Variants in UNC79 observed in about 807,000 individuals in gnomAD.
The protein encoded by UNC79 is protein unc-79 homolog.
Under a neutral mutation model 283.1 loss-of-function variants are expected in UNC79, and 37 were observed. The ratio of observed to expected loss-of-function variants is 0.13; its 90% CI spans 0.10 to 0.17. The LOEUF is 0.17. Among genes scored for constraint, UNC79 ranks in the 10% least tolerant of loss-of-function variants. UNC79 has a pLI of 1.00. For synonymous variants in UNC79, 1,107 were observed against 1,200.2 expected (o/e 0.92, Z 1.61); for missense variants, 2,272 against 3,211.1 (o/e 0.71, Z 7.07).
chr14:93,601,871 T>TC (rs1203829735), intron 25 of UNC79, among the ~76,000 whole-genome samples: 1 of 152,198 alleles, frequency 6.6e-6, no homozygotes, highest in Non-Finnish European at 1.5e-5. Flanking sequence ...GAGCATTTTT[T>TC]CATATGTTTG....
chr14:93,515,585 C>T (rs976235830), intron 7 of UNC79, among the ~76,000 whole-genome samples: 4 of 152,022 alleles, frequency 2.6e-5, no homozygotes, highest in African/African-American at 9.7e-5. Flanking sequence ...ATTCTTAGGT[C>T]AGATTTTCAT....
At chr14:93,517,303 C>T in intron 7 of UNC79, among the ~76,000 whole-genome samples, 1 of 136,114 alleles carries the variant, frequency 7.3e-6, no homozygotes, top group Admixed American at 8.2e-5. Flanking sequence ...TCCTTTCTCC[C>T]TTTTTTTCTT....
Position 93,462,538 on chromosome 14 carries a change from G to A in UNC79, c.23-5133G>A, listed in dbSNP as rs549007881. On this transcript the variant is annotated intron_variant, in intron 1 of 48. Coordinates refer to ENST00000555664, the Ensembl canonical transcript of UNC79. ...GGCTGCTCTGAGGAGAAGGAGTGGA[G>A]AGAGGCAAGAAGAAATCTGAAAAAT... Among the ~76,000 whole-genome samples, 3 of 152,312 alleles carry A rather than the reference G, an allele frequency of 2.0e-5. No individual in the cohort carries two copies. In the East Asian group the frequency reaches 5.8e-4, roughly 29 times the overall value.
chr14:93,639,582 G>A (rs962651069), intron 32 of UNC79, among the ~76,000 whole-genome samples: 3 of 152,182 alleles, frequency 2.0e-5, no homozygotes, highest in Non-Finnish European at 4.4e-5. Context: ...CTTGGATATA[G>A]CTGATAAACA....
At chr14:93,663,263 C>T (rs943496703) in intron 40 of UNC79, among the ~76,000 whole-genome samples, 1 of 152,112 alleles carries the variant, frequency 6.6e-6, no homozygotes, top group African/African-American at 2.4e-5. Context: ...TCTGTAGAAC[C>T]CCTGGCCCAC....
At chr14:93,594,306 G>A (rs2064901634) in intron 23 of UNC79, among the ~76,000 whole-genome samples, 1 of 152,036 alleles carries the variant, frequency 6.6e-6, no homozygotes, top group Admixed American at 6.6e-5. Flanking sequence ...GTCTTGCTGT[G>A]TTGTCCAGGC....
chr14:93,338,258 G>A (rs968540429), intron 1 of UNC79, among the ~76,000 whole-genome samples: 7 of 152,076 alleles, frequency 4.6e-5, no homozygotes, highest in African/African-American at 1.7e-4. Flanking sequence ...GAATTCACTG[G>A]TGATCTGGTT....
At chr14:93,687,192 G>C (rs919876191) in intron 43 of UNC79, among the ~76,000 whole-genome samples, 10 of 152,190 alleles carry the variant, frequency 6.6e-5, no homozygotes, top group African/African-American at 2.4e-4. Flanking sequence ...ATAAACTGTA[G>C]CACATTATGC....
chr14:93,585,188 TCTC>T (rs2064130911), intron 20 of UNC79, among the ~76,000 whole-genome samples: 1 of 152,134 alleles, frequency 6.6e-6, no homozygotes, highest in South Asian at 2.1e-4. Flanking sequence ...GAGTCCCTCT[TCTC>T]TTTCTTCCAA....
At chr14:93,354,777 C>A (rs1226978972) in intron 1 of UNC79, among the ~76,000 whole-genome samples, 1 of 152,152 alleles carries the variant, frequency 6.6e-6, no homozygotes, top group Non-Finnish European at 1.5e-5. Context: ...GCTGGGATTA[C>A]AGGCATGAGA....
At chr14:93,705,141 G>C in intron 48 of UNC79, among the ~76,000 whole-genome samples, 1 of 152,044 alleles carries the variant, frequency 6.6e-6, no homozygotes, top group East Asian at 1.9e-4. Context: ...AGGCTGAGGT[G>C]GGAGGATCAC....
chr14:93,668,978 T>TAAAAAAAAAA (rs543609091), intron 40 of UNC79, among the ~76,000 whole-genome samples: 4 of 79,898 alleles, frequency 5.0e-5, no homozygotes, highest in Admixed American at 1.6e-4. Flanking sequence ...GAACATTGTC[T>TAAAAAAAAAA]AAAAAAAAAA....
chr14:93,704,516 T>C, intron 47 of UNC79, 109 bp from the exon 51 acceptor site: 1 of 1,274,582 alleles, frequency 7.8e-7, no homozygotes, highest in Non-Finnish European at 1.1e-6. Context: ...CCCACATCCG[T>C]GCGCGACGTG....
Position 93,643,537 on chromosome 14 carries a change from T to A in UNC79, c.5904-20T>A. ...ATGGTTCTTTCTTTCATGGAAAGCA[T>A]GTCTCTCTTTTCTTTGCAGATGCCA... On this transcript the variant is annotated intron_variant, in intron 33 of 48. Transcript: ENST00000555664. 1 of 1,613,724 alleles carries A rather than the reference T, an allele frequency of 6.2e-7. No individual in the cohort carries two copies. The highest frequency in any genetic ancestry group is 8.5e-7 in the Non-Finnish European group (1 of 1,180,028).
At chr14:93,421,742 TAAAC>T (rs1469450228) in intron 1 of UNC79, among the ~76,000 whole-genome samples, 2 of 148,938 alleles carry the variant, frequency 1.3e-5, no homozygotes, top group East Asian at 2.0e-4. Context: ...CAACACATCT[TAAAC>T]AAAGATTATC....
exon 20 of UNC79, chr14:93,582,332 G>A (rs375980569): frequency 7.1e-5 from 114 of 1,613,922 alleles, no homozygotes; most frequent in East Asian, 2.9e-4. Context: ...CACCGAGCCC[G>A]TGGAACATGC....
chr14:93,677,939 C>T (rs934924079), intron 41 of UNC79, among the ~76,000 whole-genome samples: 4 of 152,316 alleles, frequency 2.6e-5, no homozygotes, highest in South Asian at 2.1e-4. Flanking sequence ...TGAGCCACTG[C>T]GCCTGGCCTA....
At chr14:93,695,878 G>A (rs1595119366) in intron 47 of UNC79, among the ~76,000 whole-genome samples, 1 of 29,162 alleles carries the variant, frequency 3.4e-5, no homozygotes, top group Non-Finnish European at 7.3e-5. Context: ...GCAACAGGAT[G>A]AGACTTTGTC....
At chr14:93,506,823 T>C (rs1180277170) in intron 7 of UNC79, among the ~76,000 whole-genome samples, 1 of 152,182 alleles carries the variant, frequency 6.6e-6, no homozygotes, top group Non-Finnish European at 1.5e-5. Context: ...TTATGACAAA[T>C]GTATAATGCT....
Sources: allele counts gnomAD v4.1 joint callset (sites outside exome capture counted in the v4.1 genomes callset), GRCh38; gene constraint gnomAD v4.1.1; transcripts MANE v1.5; gene names NCBI Gene and HGNC (gene_info 2026-07-23, HGNC 2026-07-21).